PCSK5: variants seen among roughly 807,000 people sequenced by gnomAD.
PCSK5 encodes prohormone convertase 5.
PCSK5 carries 129 observed loss-of-function variants against 233.2 expected under a neutral mutation model. That is an observed-to-expected ratio of 0.55 (90% CI 0.48 to 0.64). The LOEUF is 0.64. Among genes scored for constraint, PCSK5 ranks in the 30% least tolerant of loss-of-function variants. The pLI, the probability that PCSK5 is intolerant of heterozygous loss-of-function variation, is 0.00. For missense variants in PCSK5, 2,076 were observed against 2,430.1 expected, an observed-to-expected ratio of 0.85 and a Z score of 3.06; for synonymous variants, 825 against 879.2, an observed-to-expected ratio of 0.94 and a Z score of 1.09.
intron 7 of PCSK5, among the ~76,000 whole-genome samples, chr9:76,085,399 G>A (rs1182792902): frequency 3.3e-5 from 5 of 152,146 alleles, no homozygotes; most frequent in African/African-American, 9.7e-5. Flanking sequence ...AATTATCAGC[G>A]CTTCTCTTTC....
At chr9:76,240,439 T>C (rs1826393783) in intron 23 of PCSK5, among the ~76,000 whole-genome samples, 177 bp from the exon 24 acceptor site, 2 of 152,216 alleles carry the variant, frequency 1.3e-5, no homozygotes, top group Admixed American at 1.3e-4. Context: ...ATCTATTCAA[T>C]TAATAGAAGG....
chr9:76,091,210 A>G (rs1405268740), intron 7 of PCSK5, among the ~76,000 whole-genome samples: 2 of 152,126 alleles, frequency 1.3e-5, no homozygotes, highest in African/African-American at 2.4e-5. Context: ...CTGGAAGTCC[A>G]AGACCACGAT....
chr9:76,216,571 A>C (rs1587769350), intron 20 of PCSK5, among the ~76,000 whole-genome samples: 1 of 152,134 alleles, frequency 6.6e-6, no homozygotes, highest in African/African-American at 2.4e-5. Context: ...GGAAGAGCTG[A>C]CCTGCCTTTC....
chr9:75,987,645 T>C (rs559237339), intron 3 of PCSK5, among the ~76,000 whole-genome samples: 2 of 152,176 alleles, frequency 1.3e-5, no homozygotes, highest in South Asian at 4.1e-4. Context: ...TTTCCTCATG[T>C]TTAAGGGGAA....
At chr9:76,292,209 C>T (rs1546150) in intron 24 of PCSK5, 24 bp from the exon 25 acceptor site, 288,029 of 1,429,140 alleles carry the variant, frequency 0.2, 31,139 homozygotes, top group African/African-American at 0.33. Flanking sequence ...ATGATTATTA[C>T]TTTTTATTAT....
chr9:76,023,413 C>T (rs1828284713), intron 3 of PCSK5, among the ~76,000 whole-genome samples: 1 of 152,040 alleles, frequency 6.6e-6, no homozygotes, highest in Admixed American at 6.6e-5. Context: ...ACTTGTAATC[C>T]CAGCACTTTG....
intron 2 of PCSK5, among the ~76,000 whole-genome samples, chr9:75,965,704 C>T (rs1272300632): frequency 6.6e-6 from 1 of 152,152 alleles, no homozygotes. Context: ...GTGGCCTAGT[C>T]AAGTGGGCAC....
intron 24 of PCSK5, among the ~76,000 whole-genome samples, chr9:76,255,392 C>T (rs1826951755): frequency 6.6e-6 from 1 of 152,214 alleles, no homozygotes; most frequent in African/African-American, 2.4e-5. Context: ...ATAACTTCAA[C>T]ATCTGTTTAA....
chr9:76,212,726 G>C (rs1399821549), intron 20 of PCSK5, among the ~76,000 whole-genome samples: 2 of 152,126 alleles, frequency 1.3e-5, no homozygotes, highest in Non-Finnish European at 2.9e-5. Flanking sequence ...TTCACCATTT[G>C]TTATATTCCA....
intron 5 of PCSK5, among the ~76,000 whole-genome samples, chr9:76,056,616 A>G (rs1829827486): frequency 6.6e-6 from 1 of 152,230 alleles, no homozygotes; most frequent in Admixed American, 6.5e-5. Flanking sequence ...TTAGTAGTAG[A>G]TGATAAAACT....
intron 9 of PCSK5, among the ~76,000 whole-genome samples, chr9:76,113,458 C>G (rs537278839): frequency 6.6e-6 from 1 of 152,312 alleles, no homozygotes; most frequent in South Asian, 2.1e-4. Flanking sequence ...CACTCTATGT[C>G]TTTGTTTCAC....
chr9:76,259,108 A>C (rs1827077883), intron 24 of PCSK5, among the ~76,000 whole-genome samples: 1 of 152,184 alleles, frequency 6.6e-6, no homozygotes, highest in Non-Finnish European at 1.5e-5. Context: ...GAATTCTATA[A>C]TATGTCTGTC....
At chr9:75,982,404 G>A (rs764706573) in intron 2 of PCSK5, among the ~76,000 whole-genome samples, 7 of 152,062 alleles carry the variant, frequency 4.6e-5, no homozygotes, top group Non-Finnish European at 1.0e-4. Context: ...AGTTGTACAC[G>A]TTTCCATTCC....
At chr9:75,915,906 G>A (rs549224763) in intron 1 of PCSK5, among the ~76,000 whole-genome samples, 1 of 152,268 alleles carries the variant, frequency 6.6e-6, no homozygotes, top group South Asian at 2.1e-4. Context: ...TCTAGTGCGG[G>A]AAGTTACATA....
intron 37 of PCSK5, among the ~76,000 whole-genome samples, chr9:76,354,630 A>G (rs1830250961): frequency 6.6e-6 from 1 of 152,188 alleles, no homozygotes; most frequent in African/African-American, 2.4e-5. Context: ...ATAAAAAATT[A>G]GCTGGGCGTG....
intron 5 of PCSK5, among the ~76,000 whole-genome samples, chr9:76,044,667 A>G (rs750171877): frequency 2.6e-5 from 4 of 152,226 alleles, no homozygotes; most frequent in Non-Finnish European, 4.4e-5. Flanking sequence ...TTTGGTCATC[A>G]GGAAAGCCTA....
rs1564196858 is a variant in PCSK5, at chr9:76,351,513, AAAG to A, written c.5067+588_5067+590del. 5.8e-5 allele frequency among the ~76,000 whole-genome samples: 7 copies of A among 119,878 alleles called. 1 individual carries two copies. The highest frequency in any genetic ancestry group is 2.1e-4 in the African/African-American group (7 of 34,008). The allele number at this position is 119,878 out of a possible 152,430, so 78.6% of individuals were successfully genotyped here. A position where few individuals can be genotyped will look rare whatever the true frequency, so the allele number is the denominator to read the frequency against. On this transcript the variant is annotated intron_variant, in intron 36 of 37. Coordinates refer to ENST00000674117, the MANE Select transcript of PCSK5 (RefSeq NM_001372043.1). ...GAAAGAAAGAAAGAAAGAAAGAAAG[AAAG>A]AAAGAAAGAAAGAAAGGAAGGAAAG... is the stretch of plus-strand genomic sequence containing the variant.
chr9:76,046,849 C>A (rs968065593), intron 5 of PCSK5, among the ~76,000 whole-genome samples: 1 of 151,852 alleles, frequency 6.6e-6, no homozygotes, highest in Non-Finnish European at 1.5e-5. Context: ...CATGAGCCAC[C>A]GCGCCCGGCC....
chr9:76,349,965 C>T (rs1830075545), intron 35 of PCSK5, among the ~76,000 whole-genome samples: 1 of 152,010 alleles, frequency 6.6e-6, no homozygotes, highest in South Asian at 2.1e-4. Flanking sequence ...TGTGCTAAGG[C>T]AGATATGTGG....
Sources: allele counts gnomAD v4.1 joint callset (sites outside exome capture counted in the v4.1 genomes callset), GRCh38; gene constraint gnomAD v4.1.1; transcripts MANE v1.5; gene names NCBI Gene and HGNC (gene_info 2026-07-23, HGNC 2026-07-21).